The following CELA2B variants were observed in gnomAD, a reference collection of about 807,000 sequenced individuals.
CELA2B encodes the protein chymotrypsin-like elastase family member 2B.
In CELA2B, 27 loss-of-function variants were observed where a neutral mutation model predicts 36.5. That is an observed-to-expected ratio of 0.74 (90% CI 0.55 to 1.02). CELA2B has a LOEUF of 1.02. Among genes scored for constraint, CELA2B ranks in the 50% least tolerant of loss-of-function variants. The pLI, the probability that CELA2B is intolerant of heterozygous loss-of-function variation, is 0.00. For missense variants in CELA2B, 340 were observed against 347.8 expected (o/e 0.98, Z 0.18); for synonymous variants, 143 against 148.5 (o/e 0.96, Z 0.27).
At chr1:15,490,491 A>T (rs1708868821) in intron 7 of CELA2B, among the ~76,000 whole-genome samples, 1 of 152,238 alleles carries the variant, frequency 6.6e-6, no homozygotes, top group Non-Finnish European at 1.5e-5. Context: ...CCTTGGACAT[A>T]ATTCTTGCAC....
Position 15,481,101 on chromosome 1 carries a change from T to C in CELA2B, c.133T>C (p.Ser45Pro). ...ARPNSWPWQVSLQYSSNGQWY... is the reference protein window; with the variant it reads ...ARPNSWPWQVPLQYSSNGQWY... ...ACAGACCTGTGTTTCTCCCCAGGTCTCCCTGCAGTACAGCTCCAATGGCCA... is the reference window on the plus strand; with the variant it reads ...ACAGACCTGTGTTTCTCCCCAGGTCCCCCTGCAGTACAGCTCCAATGGCCA... Residue 45 changes from serine to proline, a missense_variant, in exon 3 of 8, where the codon TCC (serine) becomes CCC (proline). Ser to Pro is a moderately conservative substitution (Grantham distance 74). Coordinates refer to ENST00000375910, the MANE Select transcript of CELA2B (RefSeq NM_015849.3). 1 of 1,612,354 alleles carries C rather than the reference T, an allele frequency of 6.2e-7. No individual in the cohort carries two copies. Among genetic ancestry groups the C allele is most frequent in the South Asian group, 1.1e-5 (1 of 90,998 alleles).
chr1:15,484,282 T>G (rs1211519303), intron 5 of CELA2B, among the ~76,000 whole-genome samples: 1 of 151,928 alleles, frequency 6.6e-6, no homozygotes, highest in Non-Finnish European at 1.5e-5. Flanking sequence ...ACTCCAAGGG[T>G]CAGAGATCCA....
intron 7 of CELA2B, 149 bp from the exon 8 acceptor site, chr1:15,491,138 AAACATCAT>A: frequency 1.3e-6 from 1 of 794,056 alleles, no homozygotes; most frequent in South Asian, 1.5e-5. Flanking sequence ...TTTTTCTCCG[AAACATCAT>A]CTGAACTCCT....
At chr1:15,488,756 T>G (rs985150413) in intron 7 of CELA2B, among the ~76,000 whole-genome samples, 4 of 152,312 alleles carry the variant, frequency 2.6e-5, no homozygotes, top group Non-Finnish European at 4.4e-5. Flanking sequence ...CTGACACTTA[T>G]AAAACCAAAT....
intron 6 of CELA2B, 97 bp downstream of exon 6, chr1:15,486,143 G>A (rs745822600): frequency 6.8e-6 from 10 of 1,475,296 alleles, no homozygotes; most frequent in African/African-American, 1.4e-5. Flanking sequence ...TCCATCCTCC[G>A]ACCTCCTGGC....
intron 2 of CELA2B, among the ~76,000 whole-genome samples, chr1:15,477,761 T>G (rs1394229136): frequency 6.6e-6 from 1 of 152,226 alleles, no homozygotes; most frequent in Non-Finnish European, 1.5e-5. Flanking sequence ...CATTTAACTT[T>G]GTTTCACAAC....
chr1:15,483,603 C>G (rs1472202102), intron 5 of CELA2B, among the ~76,000 whole-genome samples: 1 of 152,218 alleles, frequency 6.6e-6, no homozygotes, highest in Non-Finnish European at 1.5e-5. Context: ...ATTACTAGGT[C>G]TCTCCAAGCT....
chr1:15,480,982 C>T, intron 2 of CELA2B, 116 bp from the exon 3 acceptor site: 7 of 1,082,700 alleles, frequency 6.5e-6, no homozygotes, highest in Non-Finnish European at 9.7e-6. Context: ...AAGTTGTGTA[C>T]CTGAGGTGAG....
intron 2 of CELA2B, 66 bp downstream of exon 2, chr1:15,476,611 T>G (rs1210297234): frequency 1.4e-6 from 2 of 1,468,474 alleles, no homozygotes; most frequent in Non-Finnish European, 1.9e-6. Flanking sequence ...CCCTTTGCCC[T>G]TCCACCATGG....
In CELA2B at chr1:15,482,369, G is replaced by A. The variant is rs1375477772; in HGVS notation, c.332G>A (p.Trp111Ter). 1.2e-6 allele frequency: 2 copies of A among 1,614,016 alleles called. No homozygotes were observed. Among genetic ancestry groups the A allele is most frequent in the Non-Finnish European group, 1.7e-6 (2 of 1,180,008 alleles). Reference protein sequence around the residue: ...SVSKIVVHKDWNSDQVSKGND... With the variant: ...SVSKIVVHKD Reference sequence around the variant, plus strand: ...TCTAAGATTGTGGTGCACAAGGACTGGAACTCCGACCAGGTCTCCAAAGGG... The same window carrying A: ...TCTAAGATTGTGGTGCACAAGGACTAGAACTCCGACCAGGTCTCCAAAGGG... The change falls in exon 4 of 8, where the codon TGG becomes TAG. Residue 111 changes from tryptophan to a stop codon, truncating the protein, a stop_gained. Transcript: ENST00000375910. LOFTEE classifies it high-confidence loss of function.
At chr1:15,480,834 C>G (rs1350717026) in intron 2 of CELA2B, among the ~76,000 whole-genome samples, 4 of 151,990 alleles carry the variant, frequency 2.6e-5, no homozygotes, top group African/African-American at 9.7e-5. Context: ...GGGCTCAACC[C>G]ATCCTCCTGC....
At position 15,482,373 on chromosome 1, in the gene CELA2B, C is replaced by T; in HGVS notation, c.336C>T (p.Asn112=). Residue 112 remains asparagine, a synonymous_variant, in exon 4 of 8, where the codon AAC becomes AAT. Coordinates refer to ENST00000375910, the MANE Select transcript of CELA2B (RefSeq NM_015849.3). ...AGATTGTGGTGCACAAGGACTGGAA[C>T]TCCGACCAGGTCTCCAAAGGGTTCG... ...VSKIVVHKDW[N]SDQVSKGNDI... The T allele has an allele frequency of 6.2e-7, 1 of 1,614,148 alleles. No individual in the cohort carries two copies. Among genetic ancestry groups the T allele is most frequent in the Non-Finnish European group, 8.5e-7 (1 of 1,180,004 alleles).
Position 15,487,399 on chromosome 1 carries a change from T to A in CELA2B, c.754T>A (p.Phe252Ile). The A allele has an allele frequency of 1.2e-6, 2 of 1,614,254 alleles. No individual in the cohort carries two copies. Among genetic ancestry groups the A allele is most frequent in the Non-Finnish European group, 1.7e-6 (2 of 1,180,048 alleles). ...CAACTACTACTACAAGCCCTCCATC[T>A]TCACGCGGGTCTCCAACTACAACGA... The part of the protein sequence containing the change: ...GCNYYYKPSI[F>I]TRVSNYNDWI... The change falls in exon 7 of 8, where the codon TTC becomes ATC. Residue 252 changes from phenylalanine to isoleucine, a missense_variant. Physicochemically the swap from Phe to Ile is conservative, Grantham distance 21. Coordinates refer to ENST00000375910, the MANE Select transcript of CELA2B (RefSeq NM_015849.3).
At chr1:15,477,292 T>A (rs557619063) in intron 2 of CELA2B, among the ~76,000 whole-genome samples, 1 of 152,336 alleles carries the variant, frequency 6.6e-6, no homozygotes, top group East Asian at 1.9e-4. Flanking sequence ...TAAGTTGATA[T>A]AATAGTGATA....
chr1:15,485,106 A>G (rs911473898), intron 5 of CELA2B, among the ~76,000 whole-genome samples: 5 of 151,300 alleles, frequency 3.3e-5, no homozygotes, highest in African/African-American at 1.2e-4. Context: ...ATGTTGGCCA[A>G]GCTGGTCTCG....
chr1:15,484,589 G>C (rs1226141741), intron 5 of CELA2B, among the ~76,000 whole-genome samples: 1 of 152,134 alleles, frequency 6.6e-6, no homozygotes, highest in East Asian at 1.9e-4. Context: ...TGGTGGAAGA[G>C]GCATTTCATG....
intron 7 of CELA2B, among the ~76,000 whole-genome samples, chr1:15,489,673 G>T (rs775395615): frequency 2.6e-5 from 4 of 152,102 alleles, no homozygotes; most frequent in African/African-American, 9.7e-5. Context: ...AGTGGCCTGC[G>T]GCATTCATCC....
At chr1:15,485,836 G>A in intron 5 of CELA2B, 65 bp from the exon 6 acceptor site, 1 of 1,588,612 alleles carries the variant, frequency 6.3e-7, no homozygotes, top group Non-Finnish European at 8.6e-7. Context: ...TCCAGTAGGG[G>A]TCCACCACTT....
Position 15,487,343 on chromosome 1 carries a change from G to A in CELA2B, c.698G>A (p.Gly233Asp). ...TCTGACGGCCGGTGGGAGGTGCATGGCATCGGCAGCCTCACGTCGGTCCTT... is the reference window on the plus strand; with the variant it reads ...TCTGACGGCCGGTGGGAGGTGCATGACATCGGCAGCCTCACGTCGGTCCTT... ...QASDGRWEVH[G>D]IGSLTSVLGC... Residue 233 changes from glycine (G) to aspartate (D), a missense_variant, in exon 7 of 8, where the codon GGC (glycine) becomes GAC (aspartate). Physicochemically the swap from Gly to Asp is moderately conservative, Grantham distance 94. Coordinates refer to ENST00000375910, the MANE Select transcript of CELA2B (RefSeq NM_015849.3). The A allele has an allele frequency of 6.2e-7, 1 of 1,614,204 alleles. No individual in the cohort carries two copies. The highest frequency in any genetic ancestry group is 8.5e-7 in the Non-Finnish European group (1 of 1,180,040).
Sources: allele counts gnomAD v4.1 joint callset (sites outside exome capture counted in the v4.1 genomes callset), GRCh38; gene constraint gnomAD v4.1.1; transcripts MANE v1.5; gene names NCBI Gene and HGNC (gene_info 2026-07-23, HGNC 2026-07-21).